The following RERE variants were observed in gnomAD, a reference collection of about 807,000 sequenced individuals.
RERE encodes arginine-glutamic acid dipeptide repeats.
In RERE, 40 loss-of-function variants were observed where a neutral mutation model predicts 146.1. The ratio of observed to expected loss-of-function variants is 0.27; its 90% confidence interval spans 0.21 to 0.36. RERE has a LOEUF of 0.36. Ranked by LOEUF, RERE falls within the 10% of genes least tolerant of loss-of-function variation. The probability of loss-of-function intolerance (pLI) is 1.00; values close to 1 mark genes in which losing one functional copy is unlikely to be tolerated. For missense variants in RERE, 1,933 were observed against 2,138.7 expected (o/e 0.90, Z 1.90); for synonymous variants, 1,003 against 866.0 (o/e 1.16, Z -2.78).
chr1:8,381,438 AC>A (rs1300510023), intron 12 of RERE, among the ~76,000 whole-genome samples: 1 of 152,186 alleles, frequency 6.6e-6, no homozygotes, highest in Non-Finnish European at 1.5e-5. Context: ...AATACATAAA[AC>A]AGAGGAGTCA....
At chr1:8,601,928 C>T (rs1451574601) in intron 4 of RERE, among the ~76,000 whole-genome samples, 2 of 148,960 alleles carry the variant, frequency 1.3e-5, no homozygotes, top group Admixed American at 1.4e-4. Flanking sequence ...AATCAGGCAT[C>T]GAAGAGAAAC....
At chr1:8,381,238 G>T (rs535061867) in intron 12 of RERE, among the ~76,000 whole-genome samples, 2 of 152,198 alleles carry the variant, frequency 1.3e-5, no homozygotes, top group African/African-American at 4.8e-5. Context: ...TCTATAACAT[G>T]ATTCCCCTCC....
In RERE at chr1:8,422,717, T is replaced by G; in HGVS notation, c.1284+10A>C. 2 of 1,597,676 alleles carry G rather than the reference T, an allele frequency of 1.3e-6. No homozygotes were observed. The highest frequency in any genetic ancestry group is 1.7e-6 in the Non-Finnish European group (2 of 1,164,994). Reference sequence around the variant, plus strand: ...AAAAATCAAGTTACATAAAGTCCAATTGTACTCACTGTTTCCTTATTGGGA... The same window carrying G: ...AAAAATCAAGTTACATAAAGTCCAAGTGTACTCACTGTTTCCTTATTGGGA... On this transcript the variant is annotated intron_variant, in intron 12 of 22. Coordinates refer to ENST00000400908, the MANE Select transcript of RERE (RefSeq NM_001042681.2).
At chr1:8,667,139 G>A (rs1243619485) in intron 1 of RERE, among the ~76,000 whole-genome samples, 1 of 152,098 alleles carries the variant, frequency 6.6e-6, no homozygotes, top group Non-Finnish European at 1.5e-5. Flanking sequence ...AAGATTAAAA[G>A]ACTCTAATAA....
intron 2 of RERE, among the ~76,000 whole-genome samples, chr1:8,648,462 G>A (rs1192067543): frequency 6.6e-6 from 1 of 152,088 alleles, no homozygotes; most frequent in Admixed American, 6.5e-5. Context: ...GAACTCCTGG[G>A]CTCAATCTAC....
rs113715784 is a variant in RERE, at chr1:8,457,798, G to A, written c.1203+8127C>T. Among the ~76,000 whole-genome samples the A allele has an allele frequency of 7.8e-3, 1,183 of 151,956 alleles. 14 individuals are homozygous for A. Among genetic ancestry groups the A allele is most frequent in the African/African-American group, 0.027 (1,118 of 41,412 alleles). On this transcript the variant is annotated intron_variant, in intron 11 of 22. Coordinates refer to ENST00000400908, the MANE Select transcript of RERE (RefSeq NM_001042681.2). The stretch of plus-strand genomic sequence containing the variant: ...GTATTTTTAGTAGAGACGGTGTTTC[G>A]CTATGTTGGCCAGGCTGGTCCTGAA...
intron 10 of RERE, among the ~76,000 whole-genome samples, chr1:8,468,884 G>A (rs1446100600): frequency 6.7e-6 from 1 of 150,300 alleles, no homozygotes; most frequent in African/African-American, 2.5e-5. Context: ...GTGACAGAGT[G>A]AAACCCTGCC....
chr1:8,495,192 G>A (rs577829022), intron 9 of RERE, 30 bp from the exon 10 acceptor site: 4 of 1,483,006 alleles, frequency 2.7e-6, no homozygotes, highest in East Asian at 2.3e-5. Context: ...TCCTTTATTA[G>A]TACATAGTAA....
chr1:8,649,207 C>T (rs1207662713), intron 2 of RERE, among the ~76,000 whole-genome samples: 1 of 152,158 alleles, frequency 6.6e-6, no homozygotes, highest in Non-Finnish European at 1.5e-5. Flanking sequence ...CATCTCAAAA[C>T]AGGAGTAATG....
At chr1:8,561,405 G>A (rs900412999) in intron 4 of RERE, among the ~76,000 whole-genome samples, 1 of 152,132 alleles carries the variant, frequency 6.6e-6, no homozygotes, top group African/African-American at 2.4e-5. Context: ...AGTCCATAAA[G>A]GGAGGCAGTG....
At chr1:8,696,149 G>A (rs1243893681) in intron 1 of RERE, among the ~76,000 whole-genome samples, 1 of 152,148 alleles carries the variant, frequency 6.6e-6, no homozygotes, top group Non-Finnish European at 1.5e-5. Context: ...AATTGGTTCA[G>A]CCACTGTGGA....
intron 10 of RERE, among the ~76,000 whole-genome samples, chr1:8,488,255 A>G (rs1372457170): frequency 6.6e-6 from 1 of 151,942 alleles, no homozygotes; most frequent in Admixed American, 6.6e-5. Context: ...TATTATTATT[A>G]TTTTTTTGAG....
chr1:8,433,716 G>A (rs995802698), intron 11 of RERE, among the ~76,000 whole-genome samples: 87 of 151,506 alleles, frequency 5.7e-4, no homozygotes, highest in African/African-American at 1.8e-3. Context: ...GCCCGCCACC[G>A]CGCCCGGCTA....
chr1:8,393,092 T>C (rs1266918264), intron 12 of RERE, among the ~76,000 whole-genome samples: 3 of 152,188 alleles, frequency 2.0e-5, no homozygotes, highest in Non-Finnish European at 2.9e-5. Flanking sequence ...GGTGCTCAGA[T>C]TGGACTTCTG....
At chr1:8,694,254 G>T (rs1255452771) in intron 1 of RERE, among the ~76,000 whole-genome samples, 1 of 152,018 alleles carries the variant, frequency 6.6e-6, no homozygotes, top group African/African-American at 2.4e-5. Context: ...AAAGACTCCT[G>T]GTACAATAAA....
chr1:8,552,632 C>T (rs1168182921), intron 6 of RERE, among the ~76,000 whole-genome samples: 1 of 152,148 alleles, frequency 6.6e-6, no homozygotes, highest in East Asian at 1.9e-4. Context: ...CCATCCCCCA[C>T]CAAATACACC....
In RERE at chr1:8,647,641, ATGTGTGTG is replaced by A. The variant is rs1553127411; in HGVS notation, c.325+8324_325+8331del. Reference sequence around the variant, plus strand: ...AAATGAGCTTCTATTTAAAATATGTATGTGTGTGTGTGTGTGTGTGTGTGTGTGTGTGT... The same window carrying A: ...AAATGAGCTTCTATTTAAAATATGTATGTGTGTGTGTGTGTGTGTGTGTGT... On this transcript the variant is annotated intron_variant, in intron 2 of 22. Coordinates refer to ENST00000400908, the MANE Select transcript of RERE (RefSeq NM_001042681.2). Among the ~76,000 whole-genome samples the A allele has an allele frequency of 3.4e-3, 512 of 148,634 alleles. 4 individuals carry two copies. Among genetic ancestry groups the A allele is most frequent in the Non-Finnish European group, 4.9e-3 (329 of 67,094 alleles).
At chr1:8,807,306 G>A (rs115160294) in intron 1 of RERE, among the ~76,000 whole-genome samples, 1,874 of 152,010 alleles carry the variant, frequency 0.012, 44 homozygotes, top group African/African-American at 0.043. Flanking sequence ...CTCCTGCCTC[G>A]ACCTCCCAAA....
intron 1 of RERE, among the ~76,000 whole-genome samples, chr1:8,740,639 T>C (rs1640288952): frequency 6.6e-6 from 1 of 152,232 alleles, no homozygotes; most frequent in African/African-American, 2.4e-5. Flanking sequence ...AATCTTATTT[T>C]ATAAGCTTTA....
Sources: gnomAD v4.1 joint callset for allele counts (sites outside exome capture counted in the v4.1 genomes callset) on GRCh38, gnomAD v4.1.1 for gene constraint, MANE v1.5 for transcripts, NCBI Gene and HGNC (gene_info 2026-07-23, HGNC 2026-07-21) for gene names.